ENOX1: variants seen among roughly 807,000 people sequenced by gnomAD.
ENOX1 encodes ecto-NOX disulfide-thiol exchanger 1, also known as candidate growth-related and time keeping constitutive hydroquinone (NADH) oxidase.
A neutral mutation model predicts 82.5 loss-of-function variants in ENOX1; 42 were observed. The observed-to-expected ratio is 0.51, with a 90% CI of 0.40 to 0.66. The LOEUF is 0.66. Ranked by LOEUF, ENOX1 falls within the 30% of genes least tolerant of loss-of-function variation. The probability of loss-of-function intolerance (pLI) is 0.00; values close to 1 mark genes in which losing one functional copy is unlikely to be tolerated. For synonymous variants in ENOX1, 271 were observed against 282.2 expected (o/e 0.96, Z 0.40); for missense variants, 608 against 811.6 (o/e 0.75, Z 3.05).
intron 1 of ENOX1, among the ~76,000 whole-genome samples, chr13:43,742,344 TAGG>T (rs1594649302): frequency 6.6e-6 from 1 of 151,876 alleles, no homozygotes; most frequent in East Asian, 1.9e-4. Flanking sequence ...TCCAAAGGCC[TAGG>T]AACTAGAAGC....
intron 1 of ENOX1, among the ~76,000 whole-genome samples, chr13:43,718,521 C>T (rs1370874372): frequency 6.6e-6 from 1 of 151,742 alleles, no homozygotes; most frequent in Non-Finnish European, 1.5e-5. Flanking sequence ...CACATGTACC[C>T]TTTCATCTAT....
At chr13:43,256,176 G>A (rs1460094577) in intron 14 of ENOX1, among the ~76,000 whole-genome samples, 2 of 152,166 alleles carry the variant, frequency 1.3e-5, no homozygotes, top group African/African-American at 2.4e-5. Context: ...ATACGTAAAT[G>A]TAAGACCAGA....
At chr13:43,333,444 C>G (rs1421822772) in intron 9 of ENOX1, among the ~76,000 whole-genome samples, 4 of 152,212 alleles carry the variant, frequency 2.6e-5, no homozygotes, top group African/African-American at 9.6e-5. Context: ...CAAGTCCAGA[C>G]TCATTGAGCC....
At chr13:43,772,620 A>C (rs1314269139) in intron 1 of ENOX1, among the ~76,000 whole-genome samples, 1 of 152,068 alleles carries the variant, frequency 6.6e-6, no homozygotes, top group Non-Finnish European at 1.5e-5. Flanking sequence ...GTGGTGGTAC[A>C]CACCTGTAAT....
chr13:43,594,284 T>C (rs1048337227), intron 2 of ENOX1, among the ~76,000 whole-genome samples: 10 of 151,826 alleles, frequency 6.6e-5, no homozygotes, highest in African/African-American at 2.4e-4. Context: ...CTTAAAAAAC[T>C]GTTAGCTGGA....
At position 43,519,489 on chromosome 13, in the gene ENOX1, G is replaced by A. The variant is rs118129809; in HGVS notation, c.-218-35337C>T. Among the ~76,000 whole-genome samples, 1,243 of 152,220 alleles carry A rather than the reference G, an allele frequency of 8.2e-3. 49 individuals are homozygous for A. The South Asian group carries it at 0.082, about 10-fold the overall frequency. On this transcript the variant is annotated intron_variant, in intron 2 of 16. Transcript: ENST00000690772. ...CCCATTCCATTGAGAATGTCAGTGT[G>A]AGCTAGTCTCAATAACCAAAATGAC...
chr13:43,658,966 G>T (rs962250621), intron 2 of ENOX1, among the ~76,000 whole-genome samples: 3 of 152,002 alleles, frequency 2.0e-5, no homozygotes, highest in African/African-American at 7.2e-5. Flanking sequence ...ATGGTTTTCT[G>T]TCCTCCATTT....
chr13:43,609,651 C>T (rs977090201), intron 2 of ENOX1, among the ~76,000 whole-genome samples: 1 of 152,182 alleles, frequency 6.6e-6, no homozygotes, highest in Non-Finnish European at 1.5e-5. Context: ...TAATGTCACA[C>T]ATGCAATTGG....
chr13:43,752,291 G>T (rs1216684023), intron 1 of ENOX1, among the ~76,000 whole-genome samples: 2 of 151,812 alleles, frequency 1.3e-5, no homozygotes, highest in African/African-American at 2.4e-5. Context: ...TATATGATTT[G>T]TCATATATAT....
intron 3 of ENOX1, among the ~76,000 whole-genome samples, chr13:43,447,768 T>G (rs929632327): frequency 6.6e-6 from 1 of 152,176 alleles, no homozygotes; most frequent in Non-Finnish European, 1.5e-5. Context: ...TGAAGTTATA[T>G]TTTGTATTTA....
At chr13:43,489,638 T>G (rs750173462) in intron 2 of ENOX1, among the ~76,000 whole-genome samples, 8 of 152,066 alleles carry the variant, frequency 5.3e-5, no homozygotes, top group Non-Finnish European at 1.0e-4. Flanking sequence ...CCCATTATTG[T>G]AGAGCCACAG....
At chr13:43,652,836 G>C (rs1054151542) in intron 2 of ENOX1, among the ~76,000 whole-genome samples, 2 of 152,142 alleles carry the variant, frequency 1.3e-5, no homozygotes, top group Admixed American at 6.5e-5. Flanking sequence ...TTGGTCCAAA[G>C]GAGAAAGACA....
intron 5 of ENOX1, among the ~76,000 whole-genome samples, chr13:43,390,933 C>T (rs2052734334): frequency 6.6e-6 from 1 of 152,296 alleles, no homozygotes; most frequent in Non-Finnish European, 1.5e-5. Flanking sequence ...CCATTACTAT[C>T]TGAAGGCACT....
chr13:43,558,687 C>A (rs1418282407), intron 2 of ENOX1, among the ~76,000 whole-genome samples: 1 of 152,024 alleles, frequency 6.6e-6, no homozygotes, highest in Non-Finnish European at 1.5e-5. Flanking sequence ...CTTTTTTTCA[C>A]TCTTCCAGGT....
intron 2 of ENOX1, among the ~76,000 whole-genome samples, chr13:43,493,719 A>T (rs572103619): frequency 1.3e-5 from 2 of 152,178 alleles, no homozygotes; most frequent in African/African-American, 2.4e-5. Context: ...AAAACAGTCC[A>T]TCTGGGTTTC....
intron 14 of ENOX1, among the ~76,000 whole-genome samples, chr13:43,247,823 T>G (rs2043156594): frequency 2.2e-5 from 2 of 90,410 alleles, no homozygotes; most frequent in East Asian, 3.7e-4. Context: ...TGTACACAGA[T>G]GCAACATATA....
chr13:43,474,622 C>T (rs2058204978), intron 3 of ENOX1, among the ~76,000 whole-genome samples: 1 of 151,714 alleles, frequency 6.6e-6, no homozygotes. Context: ...GTTGCTGATT[C>T]CTCTCACTGG....
chr13:43,616,153 G>GATATCTATATATCT (rs1566641461), intron 2 of ENOX1, among the ~76,000 whole-genome samples: 5 of 16,402 alleles, frequency 3.0e-4, no homozygotes, highest in African/African-American at 6.4e-4. Context: ...TATCTATATA[G>GATATCTATATATCT]ATAGATATCT....
At chr13:43,359,246 G>GT (rs1297636365) in intron 7 of ENOX1, among the ~76,000 whole-genome samples, 1 of 152,206 alleles carries the variant, frequency 6.6e-6, no homozygotes, top group Non-Finnish European at 1.5e-5. Flanking sequence ...TAATTCTTGG[G>GT]TTTGGCAAAG....
Sources: gnomAD v4.1 joint callset for allele counts (sites outside exome capture counted in the v4.1 genomes callset) on GRCh38, gnomAD v4.1.1 for gene constraint, MANE v1.5 for transcripts, NCBI Gene and HGNC (gene_info 2026-07-23, HGNC 2026-07-21) for gene names.